Variants in TGM6 observed in about 807,000 individuals in gnomAD.
TGM6 encodes the protein transglutaminase 6.
In TGM6, 74 loss-of-function variants were observed where a neutral mutation model predicts 77.5. The observed-to-expected ratio is 0.96, with a 90% CI of 0.79 to 1.16. TGM6 has a LOEUF of 1.16. Ranked by LOEUF, TGM6 falls within the 50% of genes most tolerant of loss-of-function variation. The pLI, the probability that TGM6 is intolerant of heterozygous loss-of-function variation, is 0.00. For missense variants in TGM6, 968 were observed against 940.2 expected, an observed-to-expected ratio of 1.03 and a Z score of -0.39; for synonymous variants, 383 against 378.9, an observed-to-expected ratio of 1.01 and a Z score of -0.12.
intron 9 of TGM6, among the ~76,000 whole-genome samples, chr20:2,404,599 C>G (rs1477118622): frequency 6.6e-6 from 1 of 151,972 alleles, no homozygotes; most frequent in African/African-American, 2.4e-5. Context: ...CCTCGCCTCC[C>G]TTTTCTGCTC....
Position 2,400,301 on chromosome 20 carries a change from T to C in TGM6, c.851-5T>C, listed in dbSNP as rs2084697687. ...CCGCCTGCTCCGAGCCTCTCTGCTC[T>C]GCAGTCCTCAGGTGCTTGGGGATAG... is the stretch of plus-strand genomic sequence containing the variant. On this transcript the variant is annotated splice_region_variant and splice_polypyrimidine_tract_variant and intron_variant, in intron 6 of 12. Transcript: ENST00000202625. 6.2e-7 allele frequency: 1 copy of C among 1,614,160 alleles called. No homozygotes were observed. The highest frequency in any genetic ancestry group is 8.5e-7 in the Non-Finnish European group (1 of 1,180,030).
At chr20:2,384,194 G>A (rs1014671550) in intron 1 of TGM6, among the ~76,000 whole-genome samples, 61 of 151,858 alleles carry the variant, frequency 4.0e-4, no homozygotes, top group African/African-American at 1.3e-3. Flanking sequence ...ATAGGGAGAC[G>A]TTGATCCTGG....
At chr20:2,393,851 C>T (rs530534835) in intron 1 of TGM6, among the ~76,000 whole-genome samples, 5 of 152,114 alleles carry the variant, frequency 3.3e-5, no homozygotes, top group African/African-American at 9.6e-5. Flanking sequence ...TAAACAGAAA[C>T]GCACATATAA....
chr20:2,414,408 AC>A (rs1237664922), intron 9 of TGM6, among the ~76,000 whole-genome samples: 28 of 152,328 alleles, frequency 1.8e-4, no homozygotes, highest in Admixed American at 1.8e-3. Flanking sequence ...AAAAAGATAG[AC>A]AATTAGTGTT....
chr20:2,382,841 C>T (rs2084565515), intron 1 of TGM6, among the ~76,000 whole-genome samples: 1 of 152,184 alleles, frequency 6.6e-6, no homozygotes, highest in South Asian at 2.1e-4. Context: ...CCTCTGGAGC[C>T]TGGATGTGGC....
chr20:2,404,788 C>T (rs989423539), intron 9 of TGM6, among the ~76,000 whole-genome samples: 1 of 151,958 alleles, frequency 6.6e-6, no homozygotes, highest in Non-Finnish European at 1.5e-5. Flanking sequence ...TTACAGGTGC[C>T]CGCCACCATG....
chr20:2,418,541 G>C (rs1012729856), intron 10 of TGM6, among the ~76,000 whole-genome samples: 3 of 152,172 alleles, frequency 2.0e-5, no homozygotes, highest in African/African-American at 7.2e-5. Context: ...AGACCAGGAA[G>C]GGGCAAAGCC....
intron 9 of TGM6, among the ~76,000 whole-genome samples, chr20:2,409,581 A>G (rs2084772335): frequency 6.6e-6 from 1 of 151,854 alleles, no homozygotes; most frequent in South Asian, 2.1e-4. Flanking sequence ...GTGTGGGGGC[A>G]TGCACCTATA....
intron 9 of TGM6, among the ~76,000 whole-genome samples, chr20:2,410,030 C>A (rs188769738): frequency 6.6e-6 from 1 of 152,138 alleles, no homozygotes; most frequent in Non-Finnish European, 1.5e-5. Context: ...GCACACAGCT[C>A]CTAAAACTCT....
intron 9 of TGM6, among the ~76,000 whole-genome samples, chr20:2,412,424 A>G (rs531992035): frequency 4.4e-4 from 67 of 152,310 alleles, no homozygotes; most frequent in African/African-American, 1.5e-3. Flanking sequence ...TGGTTACACA[A>G]CAATATGAAT....
At chr20:2,417,862 C>T (rs546732938) in intron 10 of TGM6, among the ~76,000 whole-genome samples, 1 of 152,084 alleles carries the variant, frequency 6.6e-6, no homozygotes, top group South Asian at 2.1e-4. Flanking sequence ...TGAATATTTA[C>T]ACACCAAATA....
intron 12 of TGM6, 141 bp downstream of exon 12, chr20:2,431,168 T>C: frequency 1.0e-6 from 1 of 983,744 alleles, no homozygotes; most frequent in Non-Finnish European, 1.5e-6. Flanking sequence ...ATATCAGCCT[T>C]CATTCACTTA....
intron 1 of TGM6, among the ~76,000 whole-genome samples, chr20:2,387,937 C>T (rs537160419): frequency 2.6e-5 from 4 of 152,204 alleles, no homozygotes; most frequent in East Asian, 1.9e-4. Context: ...AGCCTTGGTT[C>T]GTCTCCAGGT....
intron 1 of TGM6, among the ~76,000 whole-genome samples, chr20:2,386,743 C>T (rs941318174): frequency 1.3e-5 from 2 of 152,072 alleles, no homozygotes; most frequent in Admixed American, 6.6e-5. Flanking sequence ...CCTCCTCTTG[C>T]CCGTCTGTGA....
At chr20:2,391,489 C>T (rs530145245) in intron 1 of TGM6, among the ~76,000 whole-genome samples, 97 of 149,240 alleles carry the variant, frequency 6.5e-4, no homozygotes, top group African/African-American at 2.4e-3. Context: ...CAAAGAGTAA[C>T]TGAGCTGTGA....
At chr20:2,382,576 A>G in intron 1 of TGM6, among the ~76,000 whole-genome samples, 1 of 152,300 alleles carries the variant, frequency 6.6e-6, no homozygotes, top group Middle Eastern at 3.4e-3. Context: ...AAATGTCAGC[A>G]TTGGAGTTGT....
In TGM6 at chr20:2,431,233, CTCAG is replaced by C. The variant is rs72068458; in HGVS notation, c.1967+210_1967+213del. On this transcript the variant is annotated intron_variant, in intron 12 of 12. Transcript: ENST00000202625. ...TTACTCAAATCATATAACTCATTCA[CTCAG>C]TCATTCACTCATATCATTCATTCAT... Among the ~76,000 whole-genome samples the C allele has an allele frequency of 0.21, 31,731 of 152,088 alleles. 3,632 individuals are homozygous for C. Among genetic ancestry groups the C allele is most frequent in the African/African-American group, 0.3 (12,570 of 41,448 alleles).
intron 11 of TGM6, 81 bp downstream of exon 11, chr20:2,430,681 G>C (rs1345107628): frequency 5.6e-6 from 9 of 1,606,576 alleles, no homozygotes; most frequent in Non-Finnish European, 7.6e-6. Context: ...GAAGCTGGGG[G>C]GGTTTGTGCC....
At chr20:2,397,880 T>C in intron 4 of TGM6, 38 bp from the exon 5 acceptor site, 1 of 1,614,026 alleles carries the variant, frequency 6.2e-7, no homozygotes, top group South Asian at 1.1e-5. Flanking sequence ...TATGGGTGAC[T>C]GAACGCAGCC....
Sources: allele counts gnomAD v4.1 joint callset (sites outside exome capture counted in the v4.1 genomes callset), GRCh38; gene constraint gnomAD v4.1.1; transcripts MANE v1.5; gene names NCBI Gene and HGNC (gene_info 2026-07-23, HGNC 2026-07-21).